The following PCDH11X variants were observed in gnomAD, a reference collection of about 807,000 sequenced individuals.
PCDH11X encodes the protein protocadherin-11 X-linked.
PCDH11X carries 18 observed loss-of-function variants against 53.3 expected under a neutral mutation model. The observed-to-expected ratio is 0.34, with a 90% CI of 0.23 to 0.50. The LOEUF (loss-of-function observed/expected upper bound fraction) is 0.50. PCDH11X is among the 20% of genes least tolerant of loss of function. The pLI is 0.98. For synonymous variants in PCDH11X, 279 were observed against 393.3 expected (o/e 0.71, Z 3.44); for missense variants, 570 against 1,032.4 (o/e 0.55, Z 6.14).
At chrX:92,520,811 T>C (rs1334772522) in intron 10 of PCDH11X, among the ~76,000 whole-genome samples, 2 of 111,462 alleles carry the variant, frequency 1.8e-5, no homozygotes, top group Admixed American at 9.6e-5. Flanking sequence ...AAATCCTTTA[T>C]TTTTATTTCA....
At chrX:92,140,207 T>C (rs1379577088) in intron 6 of PCDH11X, among the ~76,000 whole-genome samples, 24 of 111,261 alleles carry the variant, frequency 2.2e-4, no homozygotes, top group Non-Finnish European at 3.8e-5. Context: ...TGTGTATACA[T>C]ATATATGTAT....
intron 6 of PCDH11X, among the ~76,000 whole-genome samples, chrX:92,193,031 G>C (rs2148310778): frequency 8.9e-6 from 1 of 112,071 alleles, no homozygotes; most frequent in Non-Finnish European, 1.9e-5. Context: ...GAGCCACCAT[G>C]CCTGGCCCCC....
chrX:91,923,789 G>T (rs756346443), intron 6 of PCDH11X, among the ~76,000 whole-genome samples: 21 of 111,144 alleles, frequency 1.9e-4, no homozygotes, highest in African/African-American at 6.2e-4. Context: ...ATTAATGCAA[G>T]AATAGAAAAC....
intron 6 of PCDH11X, among the ~76,000 whole-genome samples, chrX:92,147,330 C>A (rs2065283789): frequency 9.2e-6 from 1 of 108,237 alleles, no homozygotes; most frequent in Non-Finnish European, 1.9e-5. Flanking sequence ...TCGGTATATG[C>A]CCATTGTGTG....
chrX:92,552,442 G>A (rs2074975650), intron 10 of PCDH11X, among the ~76,000 whole-genome samples: 1 of 104,866 alleles, frequency 9.5e-6, no homozygotes. Flanking sequence ...CGTTCGTGCA[G>A]TCTTAGGTTT....
intron 6 of PCDH11X, among the ~76,000 whole-genome samples, chrX:92,070,275 G>C (rs1366916263): frequency 8.1e-5 from 9 of 111,066 alleles, no homozygotes; most frequent in African/African-American, 2.9e-4. Context: ...CATGAGTTTT[G>C]TATCTTCAAG....
chrX:91,887,836 C>T (rs1940302258), intron 6 of PCDH11X, among the ~76,000 whole-genome samples: 3 of 111,001 alleles, frequency 2.7e-5, no homozygotes, highest in South Asian at 3.8e-4. Flanking sequence ...TATGTAATAA[C>T]ATACCTTGAT....
At chrX:92,119,312 G>A (rs2064707090) in intron 6 of PCDH11X, among the ~76,000 whole-genome samples, 1 of 109,857 alleles carries the variant, frequency 9.1e-6, no homozygotes, top group Non-Finnish European at 1.9e-5. Context: ...TCATTATGTT[G>A]CCCATACTGG....
At chrX:92,533,212 G>C (rs970939954) in intron 10 of PCDH11X, among the ~76,000 whole-genome samples, 1 of 111,186 alleles carries the variant, frequency 9.0e-6, no homozygotes, top group Non-Finnish European at 1.9e-5. Flanking sequence ...TAATACTTGT[G>C]ATGTTATCAC....
chrX:91,994,829 A>G (rs2062386173), intron 6 of PCDH11X, among the ~76,000 whole-genome samples: 2 of 110,892 alleles, frequency 1.8e-5, no homozygotes, highest in Admixed American at 1.9e-4. Context: ...TGTTTTTTAT[A>G]ATAGCCAATC....
intron 6 of PCDH11X, among the ~76,000 whole-genome samples, chrX:92,085,889 C>T (rs73630158): frequency 0.038 from 4,283 of 111,254 alleles, 206 homozygotes; most frequent in African/African-American, 0.13. Context: ...AAGCACCTGA[C>T]ACATGACTAG....
chrX:92,218,272 A>G (rs1472194240), intron 7 of PCDH11X, among the ~76,000 whole-genome samples: 2 of 110,172 alleles, frequency 1.8e-5, no homozygotes, highest in Non-Finnish European at 3.8e-5. Flanking sequence ...GTTTTTTGAA[A>G]GGATCAACAA....
At chrX:92,617,593 A>G (rs1928126645) in intron 10 of PCDH11X, among the ~76,000 whole-genome samples, 3 of 110,238 alleles carry the variant, frequency 2.7e-5, no homozygotes, top group African/African-American at 6.6e-5. Flanking sequence ...GATGTTTGAT[A>G]TCTATTGACA....
At chrX:92,098,105 G>T (rs1310421678) in intron 6 of PCDH11X, among the ~76,000 whole-genome samples, 1 of 110,423 alleles carries the variant, frequency 9.1e-6, no homozygotes, top group Non-Finnish European at 1.9e-5. Flanking sequence ...CATTCCTAAA[G>T]CATGAATATT....
At chrX:92,122,025 C>A (rs1319000547) in intron 6 of PCDH11X, among the ~76,000 whole-genome samples, 1 of 95,249 alleles carries the variant, frequency 1.0e-5, no homozygotes, top group Admixed American at 1.2e-4. Context: ...ACTCTTGTTG[C>A]CGAGGCTGGA....
chrX:92,083,506 GA>G (rs1293854773), intron 6 of PCDH11X, among the ~76,000 whole-genome samples: 1 of 111,335 alleles, frequency 9.0e-6, no homozygotes, highest in Non-Finnish European at 1.9e-5. Context: ...TTAGACTACA[GA>G]AAAAAATATA....
chrX:92,554,013 G>A (rs5984994), intron 10 of PCDH11X, among the ~76,000 whole-genome samples: 43,720 of 108,742 alleles, frequency 0.4, 6,562 homozygotes, highest in South Asian at 0.5. Flanking sequence ...AAGAATACTA[G>A]ATCTTCACTG....
intron 8 of PCDH11X, among the ~76,000 whole-genome samples, chrX:92,295,739 TTGTGTGTGTGTGTGTGTG>T (rs58402010): frequency 2.8e-5 from 2 of 71,550 alleles, no homozygotes; most frequent in African/African-American, 9.8e-5. Context: ...ACAGGTGTGT[TTGTGTGTGTGTGTGTGTG>T]TGTGTGTGTG....
chrX:92,520,654 A>G (rs759733247), intron 10 of PCDH11X, among the ~76,000 whole-genome samples: 13 of 109,309 alleles, frequency 1.2e-4, no homozygotes, highest in African/African-American at 4.3e-4. Flanking sequence ...TGTCTGCTGC[A>G]TCAATTGACT....
Sources: allele counts gnomAD v4.1 joint callset (sites outside exome capture counted in the v4.1 genomes callset), GRCh38; gene constraint gnomAD v4.1.1; transcripts MANE v1.5; gene names NCBI Gene and HGNC (gene_info 2026-07-23, HGNC 2026-07-21).